The following SNX13 variants were observed in gnomAD, a reference collection of about 807,000 sequenced individuals.
The protein encoded by SNX13 is sorting nexin-13.
Under a neutral mutation model 133.6 loss-of-function variants are expected in SNX13, and 45 were observed. That is an observed-to-expected ratio of 0.34 (90% CI 0.27 to 0.43). SNX13 has a LOEUF of 0.43. SNX13 is among the 20% of genes least tolerant of loss of function. The pLI is 1.00. For synonymous variants in SNX13, 414 were observed against 373.9 expected (o/e 1.11, Z -1.24); for missense variants, 1,032 against 1,145.1 (o/e 0.90, Z 1.43).
intron 11 of SNX13, among the ~76,000 whole-genome samples, chr7:17,846,686 T>A (rs574539519): frequency 1.3e-5 from 2 of 151,980 alleles, no homozygotes; most frequent in Non-Finnish European, 2.9e-5. Flanking sequence ...AACAAATCCA[T>A]CTCTATAATT....
intron 9 of SNX13, among the ~76,000 whole-genome samples, chr7:17,854,286 G>C (rs1417354420): frequency 5.3e-5 from 8 of 152,196 alleles, no homozygotes; most frequent in Non-Finnish European, 1.2e-4. Flanking sequence ...AGGTGATAAA[G>C]TACTGCCCTC....
chr7:17,800,282 G>C (rs1418344062), intron 22 of SNX13, among the ~76,000 whole-genome samples: 1 of 151,624 alleles, frequency 6.6e-6, no homozygotes, highest in Admixed American at 6.6e-5. Flanking sequence ...TTTTGATTAA[G>C]ACAGTTGATT....
chr7:17,871,912 CT>C (rs1333160031), intron 8 of SNX13, among the ~76,000 whole-genome samples: 1 of 152,018 alleles, frequency 6.6e-6, no homozygotes, highest in East Asian at 1.9e-4. Flanking sequence ...TCTTGAAGGA[CT>C]TGAGATCTGA....
chr7:17,855,086 G>C (rs1354855165), intron 9 of SNX13, among the ~76,000 whole-genome samples: 3 of 152,208 alleles, frequency 2.0e-5, no homozygotes, highest in African/African-American at 4.8e-5. Flanking sequence ...GAAAGTATTA[G>C]TGGTAAAGGA....
chr7:17,831,671 TAG>T, intron 15 of SNX13: 7 of 984,316 alleles, frequency 7.1e-6, no homozygotes, highest in Non-Finnish European at 8.4e-6. Context: ...CATTAATCCC[TAG>T]GTTAGATAAT....
At chr7:17,844,080 G>A (rs1244755620) in intron 12 of SNX13, among the ~76,000 whole-genome samples, 1 of 151,778 alleles carries the variant, frequency 6.6e-6, no homozygotes, top group Non-Finnish European at 1.5e-5. Flanking sequence ...GATTAGAGCA[G>A]AGATAAACAA....
chr7:17,922,086 A>G (rs1800186745), intron 1 of SNX13, among the ~76,000 whole-genome samples: 1 of 152,200 alleles, frequency 6.6e-6, no homozygotes, highest in Non-Finnish European at 1.5e-5. Context: ...TCACCATTCC[A>G]ACCATTCTCT....
intron 20 of SNX13, among the ~76,000 whole-genome samples, chr7:17,804,850 TCATA>T (rs1228300245): frequency 3.3e-5 from 5 of 152,236 alleles, no homozygotes; most frequent in Admixed American, 3.3e-4. Context: ...TGCTTAGGAA[TCATA>T]GCAACGTTAA....
At chr7:17,901,961 G>A (rs1797887115) in intron 1 of SNX13, among the ~76,000 whole-genome samples, 1 of 152,000 alleles carries the variant, frequency 6.6e-6, no homozygotes, top group Non-Finnish European at 1.5e-5. Flanking sequence ...TCTCTCTTAT[G>A]TACAAATCAT....
intron 9 of SNX13, among the ~76,000 whole-genome samples, chr7:17,867,368 A>C (rs1051990578): frequency 2.0e-5 from 3 of 152,214 alleles, no homozygotes; most frequent in Admixed American, 2.0e-4. Context: ...GCACTTCGGG[A>C]GGCTGAGGCA....
In SNX13 at chr7:17,850,574, T is replaced by C. The variant is rs147208640; in HGVS notation, c.977-139A>G. On this transcript the variant is annotated intron_variant, in intron 10 of 25. Coordinates refer to ENST00000428135, the MANE Select transcript of SNX13 (RefSeq NM_015132.5). ...CAATAAAAGAAACCATCTGAAATTATACAGTGAAATTATTTAATTAAAAGT... is the reference window on the plus strand; with the variant it reads ...CAATAAAAGAAACCATCTGAAATTACACAGTGAAATTATTTAATTAAAAGT... 2,222 of 616,516 alleles carry C rather than the reference T, an allele frequency of 3.6e-3. 43 individuals carry two copies. In the African/African-American group the frequency reaches 0.038, roughly 11 times the overall value. 38.2% of individuals were successfully genotyped at this position (616,516 alleles called of 1,614,324 possible).
chr7:17,805,255 GCGCGCGCGCGCATGCA>G (rs1381741495), intron 20 of SNX13, among the ~76,000 whole-genome samples: 28 of 86,824 alleles, frequency 3.2e-4, no homozygotes, highest in Admixed American at 7.2e-4. Flanking sequence ...GTGTGTGCGT[GCGCGCGCGCGCATGCA>G]TGCACATGTG....
intron 17 of SNX13, among the ~76,000 whole-genome samples, chr7:17,822,307 A>G (rs1258853975): frequency 1.3e-5 from 2 of 152,082 alleles, no homozygotes; most frequent in Admixed American, 1.3e-4. Flanking sequence ...TTAACTAAGG[A>G]GATGCACTTT....
chr7:17,902,795 G>A (rs922084538), intron 1 of SNX13, among the ~76,000 whole-genome samples: 1 of 152,182 alleles, frequency 6.6e-6, no homozygotes, highest in African/African-American at 2.4e-5. Flanking sequence ...CACAGCAGGA[G>A]GTGAGCATGC....
chr7:17,891,502 A>G, intron 4 of SNX13, 44 bp downstream of exon 4: 1 of 1,411,384 alleles, frequency 7.1e-7, no homozygotes, highest in Non-Finnish European at 9.9e-7. Flanking sequence ...AAATATACCT[A>G]GAACACAATA....
intron 13 of SNX13, among the ~76,000 whole-genome samples, chr7:17,838,730 T>C: frequency 6.6e-6 from 1 of 151,930 alleles, no homozygotes; most frequent in East Asian, 1.9e-4. Flanking sequence ...TAGAAATATG[T>C]TGTTTAATTT....
intron 13 of SNX13, among the ~76,000 whole-genome samples, chr7:17,838,973 TTATA>T (rs1321919304): frequency 1.3e-5 from 2 of 150,238 alleles, no homozygotes; most frequent in African/African-American, 4.9e-5. Flanking sequence ...ACATTACCTA[TTATA>T]TATATAACAA....
intron 9 of SNX13, among the ~76,000 whole-genome samples, chr7:17,855,236 G>A (rs1304386351): frequency 6.6e-6 from 1 of 152,154 alleles, no homozygotes; most frequent in Non-Finnish European, 1.5e-5. Context: ...GACATTGGAG[G>A]TTTGAGGAAA....
chr7:17,922,527 C>A (rs1298025582), intron 1 of SNX13, among the ~76,000 whole-genome samples: 1 of 152,196 alleles, frequency 6.6e-6, no homozygotes, highest in African/African-American at 2.4e-5. Flanking sequence ...TAGAGTAGAA[C>A]TTCTGATTAA....
Sources: gnomAD v4.1 joint callset for allele counts (sites outside exome capture counted in the v4.1 genomes callset) on GRCh38, gnomAD v4.1.1 for gene constraint, MANE v1.5 for transcripts, NCBI Gene and HGNC (gene_info 2026-07-23, HGNC 2026-07-21) for gene names.